Variants in EYA1 observed in about 807,000 individuals in gnomAD.
EYA1 encodes protein phosphatase EYA1.
A neutral mutation model predicts 82.0 loss-of-function variants in EYA1; 16 were observed. That is an observed-to-expected ratio of 0.20 (90% CI 0.13 to 0.30). EYA1 has a LOEUF of 0.30. EYA1 is among the 10% of genes least tolerant of loss of function. The pLI is 1.00. For missense variants in EYA1, 633 were observed against 730.7 expected (o/e 0.87, Z 1.54); for synonymous variants, 261 against 264.4 (o/e 0.99, Z 0.12).
chr8:71,527,677 A>G (rs1254612716), intron 2 of EYA1, among the ~76,000 whole-genome samples: 1 of 152,138 alleles, frequency 6.6e-6, no homozygotes, highest in African/African-American at 2.4e-5. Flanking sequence ...TCTGCATCCC[A>G]TCTGCAGATA....
intron 1 of EYA1, among the ~76,000 whole-genome samples, chr8:71,537,979 T>A (rs1447055706): frequency 1.3e-5 from 2 of 152,248 alleles, no homozygotes; most frequent in African/African-American, 2.4e-5. Flanking sequence ...ATTCATCGAC[T>A]TCAGGTAGAT....
intron 1 of EYA1, 64 bp downstream of exon 1, chr8:71,361,583 G>T: frequency 1.2e-6 from 1 of 828,714 alleles, no homozygotes; most frequent in Non-Finnish European, 1.5e-6. Flanking sequence ...GTTAGCTTGG[G>T]CTTTGCCCAC....
Position 71,215,400 on chromosome 8 carries a change from A to G in EYA1, c.1584T>C (p.Ser528=). ...AAAGCAGCTCACCTATTTTAGTTGCACTGTAAATATTTTCTATTGGAAATA... is the reference window on the plus strand; with the variant it reads ...AAAGCAGCTCACCTATTTTAGTTGCGCTGTAAATATTTTCTATTGGAAATA... The part of the protein sequence containing the change: ...GIVFPIENIY[S]ATKIGKESCF... Residue 528 remains serine, a synonymous_variant, in exon 16 of 18, where the codon AGT becomes AGC. Transcript: ENST00000340726. The G allele has an allele frequency of 1.2e-6, 2 of 1,612,990 alleles. No individual in the cohort carries two copies. The highest frequency in any genetic ancestry group is 1.7e-6 in the Non-Finnish European group (2 of 1,179,010).
At chr8:71,203,094 AAC>A (rs1352658664) in intron 17 of EYA1, among the ~76,000 whole-genome samples, 2 of 152,188 alleles carry the variant, frequency 1.3e-5, no homozygotes, top group African/African-American at 4.8e-5. Context: ...GAAAAAGAAA[AAC>A]ACATGCTAGA....
intron 2 of EYA1, among the ~76,000 whole-genome samples, chr8:71,525,028 A>C (rs1051216759): frequency 1.3e-5 from 2 of 152,230 alleles, no homozygotes; most frequent in Non-Finnish European, 2.9e-5. Context: ...TACTAAAGCC[A>C]TCATGATTGT....
intron 9 of EYA1, among the ~76,000 whole-genome samples, chr8:71,287,044 C>T (rs1818462607): frequency 6.6e-6 from 1 of 152,024 alleles, no homozygotes; most frequent in African/African-American, 2.4e-5. Flanking sequence ...TCGTGATCCA[C>T]CCTCTTCGGC....
At chr8:71,236,195 C>G (rs1385104830) in intron 12 of EYA1, among the ~76,000 whole-genome samples, 2 of 152,080 alleles carry the variant, frequency 1.3e-5, no homozygotes, top group East Asian at 3.9e-4. Flanking sequence ...GCCATCACGC[C>G]CAGCTAATTT....
chr8:71,329,507 T>C (rs1373964722), intron 4 of EYA1, among the ~76,000 whole-genome samples: 1 of 152,106 alleles, frequency 6.6e-6, no homozygotes, highest in East Asian at 1.9e-4. Context: ...GTCCATCCTA[T>C]TCTCTGTTTC....
intron 2 of EYA1, among the ~76,000 whole-genome samples, chr8:71,451,486 C>T (rs940534711): frequency 1.8e-4 from 28 of 152,012 alleles, no homozygotes; most frequent in Admixed American, 1.8e-3. Flanking sequence ...CACACAATGC[C>T]AGAAAGAAAT....
At chr8:71,309,061 C>T (rs1357553841) in intron 7 of EYA1, among the ~76,000 whole-genome samples, 2 of 152,176 alleles carry the variant, frequency 1.3e-5, no homozygotes. Context: ...GATTTTCCCC[C>T]TTCCTTAGAA....
intron 2 of EYA1, among the ~76,000 whole-genome samples, chr8:71,412,865 C>G (rs1382450330): frequency 6.6e-6 from 1 of 152,164 alleles, no homozygotes; most frequent in Admixed American, 6.5e-5. Context: ...CATTTGATTT[C>G]AAGGTTCTCT....
At chr8:71,506,852 T>A (rs1202403401) in intron 2 of EYA1, among the ~76,000 whole-genome samples, 2 of 151,750 alleles carry the variant, frequency 1.3e-5, no homozygotes, top group Non-Finnish European at 2.9e-5. Context: ...AAAACATGCA[T>A]AACATGAAAT....
At chr8:71,509,486 A>G (rs891205450) in intron 2 of EYA1, among the ~76,000 whole-genome samples, 11 of 152,224 alleles carry the variant, frequency 7.2e-5, no homozygotes, top group African/African-American at 2.4e-4. Context: ...GAAGTAAGCT[A>G]TCCCTAAAAT....
intron 9 of EYA1, 144 bp from the exon 10 acceptor site, chr8:71,272,041 G>A (rs573765252): frequency 1.2e-6 from 1 of 865,374 alleles, no homozygotes; most frequent in South Asian, 1.3e-5. Context: ...TACTTGCGCT[G>A]GTAAATAATT....
chr8:71,454,336 C>A (rs1586748909), intron 2 of EYA1, among the ~76,000 whole-genome samples: 2 of 151,994 alleles, frequency 1.3e-5, no homozygotes, highest in South Asian at 4.1e-4. Context: ...ACTTTAGCAC[C>A]CCACTGTCAA....
intron 2 of EYA1, among the ~76,000 whole-genome samples, chr8:71,374,444 C>T (rs1417724040): frequency 3.3e-5 from 5 of 152,146 alleles, no homozygotes; most frequent in Non-Finnish European, 7.4e-5. Flanking sequence ...TATCACCTTA[C>T]ACCTGTTAGG....
intron 1 of EYA1, among the ~76,000 whole-genome samples, chr8:71,545,764 G>A (rs910816844): frequency 5.9e-5 from 9 of 151,718 alleles, no homozygotes; most frequent in South Asian, 4.2e-4. Flanking sequence ...GGTTTCACCC[G>A]TTAGCCAGGA....
At chr8:71,322,416 A>C (rs1196129329) in intron 4 of EYA1, 148 bp from the exon 5 acceptor site, 1 of 700,814 alleles carries the variant, frequency 1.4e-6, no homozygotes, top group Non-Finnish European at 2.6e-6. Context: ...TGGAAATTTC[A>C]TATGGTTCCA....
intron 9 of EYA1, among the ~76,000 whole-genome samples, chr8:71,296,014 ATATC>A (rs558607846): frequency 5.4e-4 from 83 of 152,328 alleles, no homozygotes; most frequent in African/African-American, 1.8e-3. Context: ...TGACTAGAAA[ATATC>A]TATATTTCTC....
Sources: gnomAD v4.1 joint callset for allele counts (sites outside exome capture counted in the v4.1 genomes callset) on GRCh38, gnomAD v4.1.1 for gene constraint, MANE v1.5 for transcripts, NCBI Gene and HGNC (gene_info 2026-07-23, HGNC 2026-07-21) for gene names.